Variants in TMEM165 observed in about 807,000 individuals in gnomAD.
The protein encoded by TMEM165 is transmembrane protein 165, also known as putative divalent cation/proton antiporter TMEM165.
Under a neutral mutation model 30.0 loss-of-function variants are expected in TMEM165, and 19 were observed. That is an observed-to-expected ratio of 0.63 (90% confidence interval 0.44 to 0.93). The LOEUF (loss-of-function observed/expected upper bound fraction) is 0.93. TMEM165 is among the 40% of genes least tolerant of loss of function. The probability of loss-of-function intolerance (pLI) is 0.00; values close to 1 mark genes in which losing one functional copy is unlikely to be tolerated. For missense variants in TMEM165, 340 were observed against 417.0 expected, an observed-to-expected ratio of 0.82 and a Z score of 1.61; for synonymous variants, 168 against 162.9, an observed-to-expected ratio of 1.03 and a Z score of -0.24.
intron 3 of TMEM165, chr4:55,448,682 T>C (rs1577695717): frequency 1.2e-6 from 1 of 826,784 alleles, no homozygotes; most frequent in Admixed American, 2.1e-5. Flanking sequence ...TGGCTACAGG[T>C]GCTTGCCAGC....
intron 3 of TMEM165, among the ~76,000 whole-genome samples, chr4:55,441,631 T>C (rs1237468196): frequency 6.6e-6 from 1 of 152,194 alleles, no homozygotes; most frequent in Non-Finnish European, 1.5e-5. Flanking sequence ...AACTCAGGAA[T>C]GGAAAACCAA....
downstream of TMEM165, chr4:55,428,135 G>A (rs957410075): frequency 5.9e-5 from 9 of 152,086 alleles, 1 homozygote; most frequent in African/African-American, 2.2e-4. Flanking sequence ...TATAAGTTTA[G>A]GTTCTGAATA....
chr4:55,417,766 C>A, intron 3 of TMEM165, 37 bp from the exon 4 acceptor site: 3 of 1,495,126 alleles, frequency 2.0e-6, no homozygotes, highest in Non-Finnish European at 2.7e-6. Flanking sequence ...TGATTTGCTT[C>A]CTGTGCTTAC....
chr4:55,400,346 ATAT>A (rs1168606225), intron 1 of TMEM165, among the ~76,000 whole-genome samples: 9 of 89,392 alleles, frequency 1.0e-4, no homozygotes, highest in Non-Finnish European at 1.9e-4. Flanking sequence ...AATATTAATT[ATAT>A]TATATTAATA....
chr4:55,442,307 G>A, intron 3 of TMEM165: 1 of 804,730 alleles, frequency 1.2e-6, no homozygotes, highest in Non-Finnish European at 2.0e-6. Flanking sequence ...TCAAATTTAA[G>A]AACATTGGCT....
intron 3 of TMEM165, chr4:55,450,129 G>A: frequency 6.2e-7 from 1 of 1,614,112 alleles, no homozygotes; most frequent in Non-Finnish European, 8.5e-7. Context: ...TGATTTTCTT[G>A]AACTCCGAGA....
chr4:55,450,341 C>T, intron 3 of TMEM165: 1 of 1,242,410 alleles, frequency 8.0e-7, no homozygotes, highest in Non-Finnish European at 1.2e-6. Flanking sequence ...TATAACAAGG[C>T]AAAAGTACCT....
At chr4:55,438,152 G>T in intron 3 of TMEM165, 1 of 1,202,128 alleles carries the variant, frequency 8.3e-7, no homozygotes. Flanking sequence ...TTCTATCTTT[G>T]TAGAGATTTA....
intron 2 of TMEM165, among the ~76,000 whole-genome samples, chr4:55,413,488 T>C (rs957038671): frequency 6.6e-6 from 1 of 152,118 alleles, no homozygotes; most frequent in African/African-American, 2.4e-5. Flanking sequence ...ATACTTATTG[T>C]ATGTTTTGGT....
chr4:55,404,045 CTTTTT>C (rs201972116), intron 1 of TMEM165, among the ~76,000 whole-genome samples: 13 of 121,924 alleles, frequency 1.1e-4, no homozygotes, highest in Non-Finnish European at 1.2e-4. Flanking sequence ...TCTTTCTTTC[CTTTTT>C]TTTTTTTTTT....
intron 1 of TMEM165, among the ~76,000 whole-genome samples, chr4:55,411,098 G>A (rs1196305917): frequency 6.8e-6 from 1 of 147,770 alleles, no homozygotes; most frequent in Non-Finnish European, 1.5e-5. Flanking sequence ...TCACACCACT[G>A]CACTCCAGCC....
At chr4:55,450,721 A>G (rs1415553653) in intron 3 of TMEM165, among the ~76,000 whole-genome samples, 2 of 152,076 alleles carry the variant, frequency 1.3e-5, no homozygotes, top group African/African-American at 4.8e-5. Flanking sequence ...GTGAGCCGAG[A>G]TCCTGCCACT....
chr4:55,404,100 T>C (rs1186526039), intron 1 of TMEM165, among the ~76,000 whole-genome samples: 4 of 146,046 alleles, frequency 2.7e-5, no homozygotes, highest in Non-Finnish European at 3.0e-5. Flanking sequence ...TGGAGTGCAG[T>C]GGGCACAATC....
chr4:55,408,511 A>T (rs887204361), intron 1 of TMEM165, among the ~76,000 whole-genome samples: 2 of 149,988 alleles, frequency 1.3e-5, no homozygotes, highest in African/African-American at 5.1e-5. Flanking sequence ...TATATATATA[A>T]AAAAACATAG....
In TMEM165 at chr4:55,418,058, A is replaced by T. The variant is rs1721814051; in HGVS notation, c.792+73A>T. 2.1e-6 allele frequency: 3 copies of T among 1,398,608 alleles called. No homozygotes were observed. The Admixed American group carries it at 6.5e-5, about 30-fold the overall frequency. 86.6% of individuals were successfully genotyped at this position (1,398,608 alleles called of 1,614,324 possible). A position where few individuals can be genotyped will look rare whatever the true frequency, so the allele number is the denominator to read the frequency against. ...ATTACTTTGTTCCAGAAAACACTGG[A>T]CACACTGAAGTGGGCCACAGCATTC... is the stretch of plus-strand genomic sequence containing the variant. On this transcript the variant is annotated intron_variant, in intron 4 of 5. Coordinates refer to ENST00000381334, the MANE Select transcript of TMEM165 (RefSeq NM_018475.5).
intron 3 of TMEM165, among the ~76,000 whole-genome samples, chr4:55,448,618 G>C (rs1352401208): frequency 7.3e-6 from 1 of 136,150 alleles, no homozygotes; most frequent in Non-Finnish European, 1.6e-5. Flanking sequence ...GTGTGTGTGT[G>C]TGTGTGTGTG....
At chr4:55,443,703 T>G in intron 3 of TMEM165, 1 of 1,614,052 alleles carries the variant, frequency 6.2e-7, no homozygotes, top group Admixed American at 1.7e-5. Flanking sequence ...TGATGTACTC[T>G]GTAAAGTCTG....
intron 1 of TMEM165, among the ~76,000 whole-genome samples, chr4:55,411,045 G>A (rs2109540699): frequency 6.6e-6 from 1 of 150,836 alleles, no homozygotes; most frequent in Admixed American, 6.6e-5. Flanking sequence ...TGAGGCAGGA[G>A]AATCGCTTGA....
intron 3 of TMEM165, among the ~76,000 whole-genome samples, chr4:55,451,601 C>T (rs1724463335): frequency 6.6e-6 from 1 of 152,132 alleles, no homozygotes. Context: ...GGAAAGTAGA[C>T]ATAGCTGGTG....
Sources: gnomAD v4.1 joint callset for allele counts (sites outside exome capture counted in the v4.1 genomes callset) on GRCh38, gnomAD v4.1.1 for gene constraint, MANE v1.5 for transcripts, NCBI Gene and HGNC (gene_info 2026-07-23, HGNC 2026-07-21) for gene names.